The following MCPH1 variants were observed in gnomAD, a reference collection of about 807,000 sequenced individuals.
MCPH1 encodes the protein microcephalin 1, also known as microcephalin.
Under a neutral mutation model 84.5 loss-of-function variants are expected in MCPH1, and 104 were observed. The ratio of observed to expected loss-of-function variants is 1.23; its 90% CI spans 1.05 to 1.45. The LOEUF is 1.45. Among genes scored for constraint, MCPH1 ranks in the 40% most tolerant of loss-of-function variants. The pLI is 0.00. For missense variants in MCPH1, 1,498 were observed against 1,005.7 expected (o/e 1.49, Z -6.62); for synonymous variants, 514 against 366.8 (o/e 1.40, Z -4.58).
At chr8:6,491,376 CT>C (rs34589854) in intron 11 of MCPH1, among the ~76,000 whole-genome samples, 4,047 of 128,084 alleles carry the variant, frequency 0.032, 80 homozygotes, top group South Asian at 0.054. Flanking sequence ...TGGTTTCTTT[CT>C]TTTTTTTTTT....
At chr8:6,457,741 G>A (rs900847909) in intron 9 of MCPH1, among the ~76,000 whole-genome samples, 12 of 152,202 alleles carry the variant, frequency 7.9e-5, no homozygotes, top group Admixed American at 2.6e-4. Flanking sequence ...TCCACCTTCT[G>A]TATTGCGTCT....
At chr8:6,514,006 A>C (rs890256579) in intron 12 of MCPH1, among the ~76,000 whole-genome samples, 3 of 152,216 alleles carry the variant, frequency 2.0e-5, no homozygotes, top group Non-Finnish European at 4.4e-5. Flanking sequence ...ATGGATTTTA[A>C]ATAGGTCAGT....
chr8:6,571,774 A>T (rs1359931673), intron 12 of MCPH1, among the ~76,000 whole-genome samples: 1 of 152,182 alleles, frequency 6.6e-6, no homozygotes, highest in East Asian at 1.9e-4. Flanking sequence ...ATATGAAAAA[A>T]TCTTCCTGTG....
intron 12 of MCPH1, among the ~76,000 whole-genome samples, chr8:6,517,012 A>T (rs1183744264): frequency 6.6e-6 from 1 of 152,348 alleles, no homozygotes; most frequent in East Asian, 1.9e-4. Context: ...GTTTTTAGAA[A>T]AAAGAACAGA....
intron 12 of MCPH1, among the ~76,000 whole-genome samples, chr8:6,611,430 C>G (rs1830255879): frequency 6.6e-6 from 1 of 152,200 alleles, no homozygotes; most frequent in South Asian, 2.1e-4. Context: ...CAGAGAAACA[C>G]TTAACATTGA....
intron 12 of MCPH1, among the ~76,000 whole-genome samples, chr8:6,504,261 T>A (rs1586171275): frequency 1.5e-5 from 2 of 134,020 alleles, no homozygotes; most frequent in Admixed American, 9.4e-5. Context: ...GAGCTTGCAG[T>A]GAGCCGAGAT....
chr8:6,408,012 G>C (rs1460705773), intron 1 of MCPH1, among the ~76,000 whole-genome samples: 2 of 152,180 alleles, frequency 1.3e-5, no homozygotes, highest in Admixed American at 1.3e-4. Flanking sequence ...CCGTGAAGTT[G>C]AGTAGTTGTG....
intron 1 of MCPH1, chr8:6,407,151 A>C (rs1032202610): frequency 4.5e-5 from 10 of 221,012 alleles, no homozygotes. Flanking sequence ...TGCCCTCCGG[A>C]AGTTGGTGTG....
At chr8:6,539,642 A>G (rs367913874) in intron 12 of MCPH1, among the ~76,000 whole-genome samples, 2 of 152,144 alleles carry the variant, frequency 1.3e-5, no homozygotes, top group Non-Finnish European at 2.9e-5. Context: ...GCTGGAGTGC[A>G]GCGGCGTGAT....
intron 11 of MCPH1, among the ~76,000 whole-genome samples, chr8:6,491,502 T>A (rs1262575852): frequency 1.3e-5 from 2 of 151,920 alleles, no homozygotes; most frequent in Non-Finnish European, 2.9e-5. Context: ...TACTTTAAGT[T>A]CTAGGGTACA....
At chr8:6,447,167 C>G (rs1018311757) in intron 8 of MCPH1, 51 of 985,264 alleles carry the variant, frequency 5.2e-5, no homozygotes, top group Admixed American at 6.1e-5. Context: ...TAAATCGAAC[C>G]CTTTTATAGT....
At chr8:6,454,479 G>A (rs1257484226) in intron 8 of MCPH1, among the ~76,000 whole-genome samples, 1 of 152,166 alleles carries the variant, frequency 6.6e-6, no homozygotes. Flanking sequence ...GAGGAGGAAG[G>A]GTGAGAGTAA....
At chr8:6,437,377 C>T (rs1488874944) in intron 5 of MCPH1, among the ~76,000 whole-genome samples, 1 of 151,914 alleles carries the variant, frequency 6.6e-6, no homozygotes, top group East Asian at 1.9e-4. Context: ...ATTATAGGGG[C>T]GTACCACCAC....
rs977681903 is a variant in MCPH1, at chr8:6,545,613, G to A, written c.2214+45684G>A. Reference sequence around the variant, plus strand: ...TTCGTAATCTGACATTCCAAAACACGATTCTTTCCGGATCAAGCATAAAAG... The same window carrying A: ...TTCGTAATCTGACATTCCAAAACACAATTCTTTCCGGATCAAGCATAAAAG... On this transcript the variant is annotated intron_variant, in intron 12 of 13. Transcript: ENST00000344683. Among the ~76,000 whole-genome samples, 16 of 152,298 alleles carry A rather than the reference G, an allele frequency of 1.1e-4. No individual in the cohort carries two copies. In the South Asian group the frequency reaches 1.7e-3, roughly 16 times the overall value.
In MCPH1 at chr8:6,644,536, A is replaced by G. The variant is rs1230451194; in HGVS notation, c.*1487A>G. 1.3e-5 allele frequency: 2 copies of G among 152,196 alleles called. No homozygotes were observed. The highest frequency in any genetic ancestry group is 4.8e-5 in the African/African-American group (2 of 41,452). The allele number at this position is 152,196 out of a possible 1,614,324, so 9.4% of individuals were successfully genotyped here. A position where few individuals can be genotyped will look rare whatever the true frequency, so the allele number is the denominator to read the frequency against. ...TCCATGTACAAAAATCAGCATTTCC[A>G]AACACAGTAACATTCAAGCTGAGCA... is the stretch of plus-strand genomic sequence containing the variant. On this transcript the variant is annotated 3_prime_UTR_variant, in exon 14 of 14. Transcript: ENST00000344683.
chr8:6,487,087 A>G (rs1810025966), intron 11 of MCPH1, among the ~76,000 whole-genome samples: 1 of 152,236 alleles, frequency 6.6e-6, no homozygotes, highest in African/African-American at 2.4e-5. Context: ...AGATTTTAAT[A>G]TTTTGATTCT....
chr8:6,520,650 C>T (rs957238362), intron 12 of MCPH1, among the ~76,000 whole-genome samples: 6 of 152,196 alleles, frequency 3.9e-5, no homozygotes, highest in South Asian at 2.1e-4. Flanking sequence ...CCTGCCTCAG[C>T]CTCCCAAAGT....
At chr8:6,594,954 C>T (rs545774730) in intron 12 of MCPH1, among the ~76,000 whole-genome samples, 14 of 152,238 alleles carry the variant, frequency 9.2e-5, no homozygotes, top group Non-Finnish European at 1.8e-4. Flanking sequence ...TCTTTAAAAT[C>T]GAAGTTTTTC....
At chr8:6,514,360 T>G (rs1815806646) in intron 12 of MCPH1, among the ~76,000 whole-genome samples, 1 of 152,130 alleles carries the variant, frequency 6.6e-6, no homozygotes, top group African/African-American at 2.4e-5. Flanking sequence ...TGGCTAATAT[T>G]TGTATTTTTA....
Sources: allele counts gnomAD v4.1 joint callset (sites outside exome capture counted in the v4.1 genomes callset), GRCh38; gene constraint gnomAD v4.1.1; transcripts MANE v1.5; gene names NCBI Gene and HGNC (gene_info 2026-07-23, HGNC 2026-07-21).